RAD54B: variants seen among roughly 807,000 people sequenced by gnomAD.
RAD54B encodes DNA repair and recombination protein RAD54B.
A neutral mutation model predicts 95.8 loss-of-function variants in RAD54B; 78 were observed. That is an observed-to-expected ratio of 0.81 (90% CI 0.68 to 0.98). RAD54B has a LOEUF of 0.98. Ranked by LOEUF, RAD54B falls within the 50% of genes least tolerant of loss-of-function variation. The pLI, the probability that RAD54B is intolerant of heterozygous loss-of-function variation, is 0.00. For synonymous variants in RAD54B, 328 were observed against 354.9 expected (o/e 0.92, Z 0.85); for missense variants, 957 against 1,056.6 (o/e 0.91, Z 1.31).
At chr8:94,390,986 T>C (rs867439243) in intron 10 of RAD54B, among the ~76,000 whole-genome samples, 1 of 152,172 alleles carries the variant, frequency 6.6e-6, no homozygotes, top group African/African-American at 2.4e-5. Context: ...GTATGGAATT[T>C]CCCACCTGTG....
At chr8:94,392,039 G>C in intron 9 of RAD54B, 140 bp from the exon 10 acceptor site, 2 of 801,984 alleles carry the variant, frequency 2.5e-6, no homozygotes, top group Non-Finnish European at 3.8e-6. Flanking sequence ...TGAGTATAGG[G>C]ACAGAAAAAC....
chr8:94,456,453 CTT>C (rs1382224701), intron 3 of RAD54B, among the ~76,000 whole-genome samples: 2 of 152,232 alleles, frequency 1.3e-5, no homozygotes, highest in Admixed American at 6.5e-5. Context: ...GAAATACACA[CTT>C]AAGTGGCTAG....
chr8:94,408,847 CT>C (rs1326588072), intron 4 of RAD54B, among the ~76,000 whole-genome samples: 1 of 152,074 alleles, frequency 6.6e-6, no homozygotes, highest in Non-Finnish European at 1.5e-5. Flanking sequence ...CAAGAATAAC[CT>C]TTTAACTTTG....
chr8:94,466,408 CTTTT>C (rs1194398092), intron 2 of RAD54B, among the ~76,000 whole-genome samples: 3 of 142,894 alleles, frequency 2.1e-5, no homozygotes, highest in Non-Finnish European at 3.1e-5. Context: ...CCAGTATTCA[CTTTT>C]TTTTTTTTTG....
intron 3 of RAD54B, among the ~76,000 whole-genome samples, chr8:94,440,207 A>AAG (rs1812367509): frequency 1.3e-5 from 2 of 152,104 alleles, no homozygotes; most frequent in Non-Finnish European, 2.9e-5. Flanking sequence ...AGATTAAAAA[A>AAG]AAAAAAATCA....
rs142902202 is a variant in RAD54B, at chr8:94,396,951, A to AAGC, written c.1378+2460_1378+2462dup. Reference sequence around the variant, plus strand: ...GGGAGAAGGCAGCTCTCTGCAAGCCAAGCAGGGAGACCTCAATAGAAACCA... The same window carrying AAGC: ...GGGAGAAGGCAGCTCTCTGCAAGCCAAGCAGCAGGGAGACCTCAATAGAAACCA... On this transcript the variant is annotated intron_variant, in intron 8 of 14. Coordinates refer to ENST00000336148, the MANE Select transcript of RAD54B (RefSeq NM_012415.3). Among the ~76,000 whole-genome samples, 1,184 of 152,286 alleles carry AAGC rather than the reference A, an allele frequency of 7.8e-3. 11 individuals are homozygous for AAGC. Among genetic ancestry groups the AAGC allele is most frequent in the African/African-American group, 0.027 (1,114 of 41,576 alleles).
At chr8:94,378,463 G>T in intron 13 of RAD54B, 83 bp from the exon 14 acceptor site, 2 of 1,427,204 alleles carry the variant, frequency 1.4e-6, no homozygotes, top group Non-Finnish European at 1.9e-6. Context: ...TAACATACTA[G>T]TTAATAAAAT....
chr8:94,456,424 G>T (rs1812780374), intron 3 of RAD54B, among the ~76,000 whole-genome samples: 1 of 152,100 alleles, frequency 6.6e-6, no homozygotes, highest in African/African-American at 2.4e-5. Context: ...GGTTATGCAG[G>T]AGAAAACATT....
intron 3 of RAD54B, among the ~76,000 whole-genome samples, chr8:94,449,768 G>C (rs1193271624): frequency 6.6e-6 from 1 of 152,096 alleles, no homozygotes; most frequent in Non-Finnish European, 1.5e-5. Context: ...CAAATGACCA[G>C]GACCTTTTTT....
At chr8:94,412,067 TTC>T (rs1345082298) in intron 3 of RAD54B, among the ~76,000 whole-genome samples, 2 of 152,144 alleles carry the variant, frequency 1.3e-5, no homozygotes, top group African/African-American at 4.8e-5. Context: ...TCATTCTACT[TTC>T]TGTTTCTAAG....
chr8:94,407,476 G>A lies in RAD54B; in HGVS notation c.744C>T (p.Phe248=), dbSNP rs1289431428. 2 of 1,613,488 alleles carry A rather than the reference G, an allele frequency of 1.2e-6. No individual in the cohort carries two copies. The change falls in exon 5 of 15, where the codon TTC becomes TTT. Residue 248 remains phenylalanine (F), a synonymous_variant. Coordinates refer to ENST00000336148, the MANE Select transcript of RAD54B (RefSeq NM_012415.3). ...PSSKENRQND[F]QNCKPRHDPY... is the part of the protein sequence containing the mutation. ...GGTCATGGCGTGGTTTGCAATTTTGGAAATCATTCTGTCTATTTTCCTTTG... is the reference window on the plus strand; with the variant it reads ...GGTCATGGCGTGGTTTGCAATTTTGAAAATCATTCTGTCTATTTTCCTTTG...
At chr8:94,433,266 G>A (rs1382873556) in intron 3 of RAD54B, among the ~76,000 whole-genome samples, 1 of 152,004 alleles carries the variant, frequency 6.6e-6, no homozygotes, top group Non-Finnish European at 1.5e-5. Flanking sequence ...TATCTGATAG[G>A]AAAAACTTCC....
chr8:94,441,912 A>C (rs1472341749), intron 3 of RAD54B, among the ~76,000 whole-genome samples: 2 of 152,216 alleles, frequency 1.3e-5, no homozygotes, highest in African/African-American at 4.8e-5. Context: ...CCACAATATC[A>C]CCTATTATTA....
chr8:94,468,509 T>C (rs114340586), intron 1 of RAD54B, among the ~76,000 whole-genome samples: 49 of 148,428 alleles, frequency 3.3e-4, no homozygotes, highest in Admixed American at 6.8e-4. Context: ...AGGAGCTTCG[T>C]CTCTATTAAA....
At chr8:94,450,422 C>T (rs757408286) in intron 3 of RAD54B, among the ~76,000 whole-genome samples, 7 of 152,128 alleles carry the variant, frequency 4.6e-5, no homozygotes, top group African/African-American at 7.2e-5. Context: ...ACCTGAATAT[C>T]AAAGAATTTT....
chr8:94,446,926 A>G (rs1456873836), intron 3 of RAD54B, among the ~76,000 whole-genome samples: 1 of 152,100 alleles, frequency 6.6e-6, no homozygotes, highest in Non-Finnish European at 1.5e-5. Flanking sequence ...AGGGGCACAT[A>G]AGATTATGTT....
At chr8:94,418,001 G>A (rs1399729290) in intron 3 of RAD54B, among the ~76,000 whole-genome samples, 1 of 152,194 alleles carries the variant, frequency 6.6e-6, no homozygotes, top group Non-Finnish European at 1.5e-5. Flanking sequence ...CAGGAACCAA[G>A]AAGACAAAGG....
In RAD54B at chr8:94,375,185, G is replaced by C. The variant is rs867197532; in HGVS notation, c.2516-2798C>G. 5.9e-5 allele frequency among the ~76,000 whole-genome samples: 9 copies of C among 152,172 alleles called. No homozygotes were observed. In the South Asian group the frequency reaches 1.7e-3, roughly 28 times the overall value. ...GCAATACTAAAAATTTACCTTATAG[G>C]TATACTTGAAGATATTCAAAATGAT... On this transcript the variant is annotated intron_variant, in intron 14 of 14. Coordinates refer to ENST00000336148, the MANE Select transcript of RAD54B (RefSeq NM_012415.3).
intron 3 of RAD54B, among the ~76,000 whole-genome samples, chr8:94,416,407 C>A (rs1370624208): frequency 5.3e-5 from 8 of 151,692 alleles, no homozygotes; most frequent in Non-Finnish European, 1.0e-4. Flanking sequence ...AGGAGATATA[C>A]CTAATGCTAA....
Sources: gnomAD v4.1 joint callset for allele counts (sites outside exome capture counted in the v4.1 genomes callset) on GRCh38, gnomAD v4.1.1 for gene constraint, MANE v1.5 for transcripts, NCBI Gene and HGNC (gene_info 2026-07-23, HGNC 2026-07-21) for gene names.